Variants in GDAP2 observed in about 807,000 individuals in gnomAD.
GDAP2 encodes the protein ganglioside-induced differentiation-associated protein 2.
In GDAP2, 51 loss-of-function variants were observed where a neutral mutation model predicts 67.0. The ratio of observed to expected loss-of-function variants is 0.76; its 90% CI spans 0.61 to 0.96. The LOEUF (loss-of-function observed/expected upper bound fraction) is 0.96. Among genes scored for constraint, GDAP2 ranks in the 40% least tolerant of loss-of-function variants. The pLI, the probability that GDAP2 is intolerant of heterozygous loss-of-function variation, is 0.00. For missense variants in GDAP2, 547 were observed against 588.3 expected (o/e 0.93, Z 0.73); for synonymous variants, 203 against 207.3 (o/e 0.98, Z 0.18).
At chr1:117,876,727 C>T (rs1648470026) in intron 13 of GDAP2, among the ~76,000 whole-genome samples, 1 of 152,128 alleles carries the variant, frequency 6.6e-6, no homozygotes, top group Non-Finnish European at 1.5e-5. Context: ...TGGAGCTATA[C>T]TTAATATTTA....
At chr1:117,899,849 C>T (rs556597925) in intron 6 of GDAP2, among the ~76,000 whole-genome samples, 2 of 152,174 alleles carry the variant, frequency 1.3e-5, no homozygotes, top group Non-Finnish European at 2.9e-5. Flanking sequence ...ATTGTTTTCT[C>T]ATTACCTAGA....
intron 5 of GDAP2, among the ~76,000 whole-genome samples, chr1:117,909,230 C>T (rs1303674269): frequency 6.6e-6 from 1 of 152,162 alleles, no homozygotes; most frequent in Non-Finnish European, 1.5e-5. Flanking sequence ...CGAGAACAAA[C>T]ACCTTCATCT....
chr1:117,911,709 A>G (rs1017450945), intron 5 of GDAP2, among the ~76,000 whole-genome samples: 2 of 152,012 alleles, frequency 1.3e-5, no homozygotes, highest in African/African-American at 4.8e-5. Flanking sequence ...GGGAGCCACA[A>G]TCACTTAATC....
intron 8 of GDAP2, among the ~76,000 whole-genome samples, chr1:117,893,203 TAATAAAAAAGGAA>T (rs1049032955): frequency 3.3e-5 from 5 of 152,090 alleles, no homozygotes; most frequent in Non-Finnish European, 7.4e-5. Context: ...CAAGTAATAC[TAATAAAAAAGGAA>T]AGGAAATCTT....
chr1:117,892,673 G>A (rs554883828), intron 8 of GDAP2, among the ~76,000 whole-genome samples: 26 of 152,182 alleles, frequency 1.7e-4, no homozygotes, highest in African/African-American at 5.8e-4. Flanking sequence ...TTCTCAATGG[G>A]TTGCAACCAA....
intron 13 of GDAP2, among the ~76,000 whole-genome samples, chr1:117,870,973 A>G (rs1475573931): frequency 1.3e-5 from 2 of 152,218 alleles, no homozygotes; most frequent in African/African-American, 2.4e-5. Context: ...CAGATTGCAT[A>G]ATTTGCCTAA....
chr1:117,897,885 A>G (rs990034319), intron 7 of GDAP2, among the ~76,000 whole-genome samples: 2 of 152,174 alleles, frequency 1.3e-5, no homozygotes, highest in Non-Finnish European at 2.9e-5. Context: ...GCTTGGTTAT[A>G]TATATTTTAA....
chr1:117,920,142 A>C lies in GDAP2; in HGVS notation c.176+40T>G, dbSNP rs766894197. On this transcript the variant is annotated intron_variant, in intron 2 of 13. Transcript: ENST00000369443. ...AAGAGGTTAGAATAAATTATGAGAA[A>C]GTGTTATCTCCTCATGATATGATGT... is the stretch of plus-strand genomic sequence containing the variant. 3.5e-6 allele frequency: 4 copies of C among 1,141,876 alleles called. No homozygotes were observed. The South Asian group carries it at 5.7e-5, about 16-fold the overall frequency. 70.7% of individuals were successfully genotyped at this position (1,141,876 alleles called of 1,614,324 possible). A position where few individuals can be genotyped will look rare whatever the true frequency, so the allele number is the denominator to read the frequency against.
At chr1:117,874,095 G>C (rs1648379369) in intron 13 of GDAP2, among the ~76,000 whole-genome samples, 1 of 152,172 alleles carries the variant, frequency 6.6e-6, no homozygotes, top group Non-Finnish European at 1.5e-5. Context: ...TAAAGTTACT[G>C]TATCCAGCGA....
intron 7 of GDAP2, among the ~76,000 whole-genome samples, chr1:117,897,459 G>A (rs995725771): frequency 2.0e-5 from 3 of 152,234 alleles, no homozygotes; most frequent in African/African-American, 7.2e-5. Context: ...GGATCACAGA[G>A]TATGATCCAC....
At chr1:117,900,019 T>C (rs1649397196) in intron 6 of GDAP2, among the ~76,000 whole-genome samples, 1 of 152,196 alleles carries the variant, frequency 6.6e-6, no homozygotes, top group African/African-American at 2.4e-5. Context: ...TTTAAATACA[T>C]ATATAAGATT....
At position 117,863,936 on chromosome 1, in the gene GDAP2, T is replaced by C. The variant is rs527561819; in HGVS notation, c.*6633A>G. The C allele has an allele frequency of 1.1e-4, 16 of 152,290 alleles. No individual in the cohort carries two copies. Among genetic ancestry groups the C allele is most frequent in the South Asian group, 4.1e-4 (2 of 4,826 alleles). The allele number at this position is 152,290 out of a possible 1,614,324, so 9.4% of individuals were successfully genotyped here. On this transcript the variant is annotated 3_prime_UTR_variant, in exon 14 of 14. Coordinates refer to ENST00000369443, the MANE Select transcript of GDAP2 (RefSeq NM_017686.4). ...GCATTTGTTCCTCCTAATTATTCAA[T>C]TAATATTATCCCTGTTGAATACACA... is the stretch of plus-strand genomic sequence containing the variant.
chr1:117,906,374 C>G, intron 6 of GDAP2, 132 bp downstream of exon 6: 3 of 584,976 alleles, frequency 5.1e-6, no homozygotes, highest in South Asian at 2.4e-5. Flanking sequence ...GATTGTAAGA[C>G]CCACTGTCAA....
At chr1:117,908,824 C>CAAAA (rs1553199519) in intron 5 of GDAP2, among the ~76,000 whole-genome samples, 6 of 147,600 alleles carry the variant, frequency 4.1e-5, no homozygotes, top group Non-Finnish European at 5.9e-5. Flanking sequence ...GACTCTATCT[C>CAAAA]AAAAAAATAA....
chr1:117,874,549 G>C (rs1157488012), intron 13 of GDAP2, among the ~76,000 whole-genome samples: 1 of 152,044 alleles, frequency 6.6e-6, no homozygotes, highest in Non-Finnish European at 1.5e-5. Context: ...ATTCCTTTAT[G>C]GCCACATAAA....
rs142688261 is a variant in GDAP2, at chr1:117,878,508, T to C, written c.1303-356A>G. Reference sequence around the variant, plus strand: ...ACCGCTGCATTATTTGGTAGAATAATTGGTGTTCCAGTCTTCTGAAAATGG... The same window carrying C: ...ACCGCTGCATTATTTGGTAGAATAACTGGTGTTCCAGTCTTCTGAAAATGG... On this transcript the variant is annotated intron_variant, in intron 12 of 13. Coordinates refer to ENST00000369443, the MANE Select transcript of GDAP2 (RefSeq NM_017686.4). Among the ~76,000 whole-genome samples the C allele has an allele frequency of 6.6e-5, 10 of 152,334 alleles. No individual in the cohort carries two copies. In the East Asian group the frequency reaches 1.7e-3, roughly 26 times the overall value.
In GDAP2 at chr1:117,887,678, T is replaced by C. The variant is rs747579780; in HGVS notation, c.1030+20A>G. The C allele has an allele frequency of 3.4e-6, 4 of 1,177,542 alleles. No individual in the cohort carries two copies. The South Asian group carries it at 4.9e-5, about 14-fold the overall frequency. The allele number at this position is 1,177,542 out of a possible 1,614,324, so 72.9% of individuals were successfully genotyped here. A position where few individuals can be genotyped will look rare whatever the true frequency, so the allele number is the denominator to read the frequency against. ...GCTCTTAATTAGTGAAAGAATAAGTTACCATATATTTAAGCTCACCTGTTT... is the reference window on the plus strand; with the variant it reads ...GCTCTTAATTAGTGAAAGAATAAGTCACCATATATTTAAGCTCACCTGTTT... On this transcript the variant is annotated intron_variant, in intron 9 of 13. Coordinates refer to ENST00000369443, the MANE Select transcript of GDAP2 (RefSeq NM_017686.4).
At position 117,920,231 on chromosome 1, in the gene GDAP2, G is replaced by C. The variant is rs759952888; in HGVS notation, c.127C>G (p.Arg43Gly). Reference sequence around the variant, plus strand: ...TCCTTATTATAAAGAAAAGGTGATCGAACAGTGTCTTCCTGAAATATTTCA... The same window carrying C: ...TCCTTATTATAAAGAAAAGGTGATCCAACAGTGTCTTCCTGAAATATTTCA... Reference protein sequence around the residue: ...TAEIFQEDTVRSPFLYNKDVN... With the variant: ...TAEIFQEDTVGSPFLYNKDVN... The change falls in exon 2 of 14, where the codon CGA (arginine) becomes GGA (glycine). Residue 43 changes from arginine to glycine, a missense_variant. Coordinates refer to ENST00000369443, the MANE Select transcript of GDAP2 (RefSeq NM_017686.4). 1.2e-6 allele frequency: 2 copies of C among 1,608,142 alleles called. No homozygotes were observed. The highest frequency in any genetic ancestry group is 1.1e-5 in the South Asian group (1 of 90,434).
chr1:117,885,809 T>G (rs375571762), intron 10 of GDAP2, among the ~76,000 whole-genome samples: 1 of 152,186 alleles, frequency 6.6e-6, no homozygotes, highest in African/African-American at 2.4e-5. Context: ...GTTATCATCC[T>G]TTGAAGTCAG....
Sources: allele counts gnomAD v4.1 joint callset (sites outside exome capture counted in the v4.1 genomes callset), GRCh38; gene constraint gnomAD v4.1.1; transcripts MANE v1.5; gene names NCBI Gene and HGNC (gene_info 2026-07-23, HGNC 2026-07-21).